The following SPPL2A variants were observed in gnomAD, a reference collection of about 807,000 sequenced individuals.
SPPL2A encodes signal peptide peptidase-like 2A.
SPPL2A carries 51 observed loss-of-function variants against 63.8 expected under a neutral mutation model. That is an observed-to-expected ratio of 0.80 (90% CI 0.64 to 1.01). SPPL2A has a LOEUF of 1.01. SPPL2A is among the 50% of genes least tolerant of loss of function. The pLI is 0.00. For missense variants in SPPL2A, 553 were observed against 622.7 expected, an observed-to-expected ratio of 0.89 and a Z score of 1.19; for synonymous variants, 188 against 205.8, an observed-to-expected ratio of 0.91 and a Z score of 0.74.
chr15:50,743,943 G>A (rs1196643428), intron 5 of SPPL2A, among the ~76,000 whole-genome samples: 1 of 152,054 alleles, frequency 6.6e-6, no homozygotes. Flanking sequence ...GGGAGGCTGA[G>A]GCAGGCAGAT....
chr15:50,741,866 T>G (rs796225709), intron 5 of SPPL2A, among the ~76,000 whole-genome samples: 14 of 151,944 alleles, frequency 9.2e-5, no homozygotes, highest in African/African-American at 3.1e-4. Context: ...CTTGAGAGGC[T>G]GAGGCAGCAG....
chr15:50,757,660 C>T (rs929954683), intron 1 of SPPL2A, among the ~76,000 whole-genome samples: 16 of 152,140 alleles, frequency 1.1e-4, no homozygotes, highest in African/African-American at 3.9e-4. Context: ...TTTTCTCTGA[C>T]TTTATGAGGT....
chr15:50,712,677 C>T (rs868029265), intron 14 of SPPL2A, among the ~76,000 whole-genome samples: 16 of 133,740 alleles, frequency 1.2e-4, no homozygotes, highest in East Asian at 2.2e-4. Context: ...CCCTCCCCCC[C>T]CCTTTTTTTT....
intron 12 of SPPL2A, among the ~76,000 whole-genome samples, chr15:50,722,722 T>C (rs2062658094): frequency 6.6e-6 from 1 of 152,240 alleles, no homozygotes; most frequent in African/African-American, 2.4e-5. Context: ...CCCAAAGTCC[T>C]GGGATTACAG....
Position 50,703,847 on chromosome 15 carries a change from T to C in SPPL2A, c.*3953A>G, listed in dbSNP as rs1024194533. On this transcript the variant is annotated 3_prime_UTR_variant, in exon 15 of 15. Transcript: ENST00000261854. ...CCCACAATTTTTAAAAATGTAAAAA[T>C]AGTAATTTTTGCTTATACTAAAGCA... 6 of 152,012 alleles carry C rather than the reference T, an allele frequency of 3.9e-5. No individual in the cohort carries two copies. Among genetic ancestry groups the C allele is most frequent in the African/African-American group, 1.4e-4 (6 of 41,384 alleles). 9.4% of individuals were successfully genotyped at this position (152,012 alleles called of 1,614,324 possible).
In SPPL2A at chr15:50,721,456, G is replaced by A. The variant is rs540454904; in HGVS notation, c.1327+668C>T. On this transcript the variant is annotated intron_variant, in intron 13 of 14. Transcript: ENST00000261854. The stretch of plus-strand genomic sequence containing the variant: ...TCCTTTCTTTTTTTTTTTGAGACAG[G>A]GACTCAATCTTTCGCCCAGGCTATA... Among the ~76,000 whole-genome samples the A allele has an allele frequency of 3.8e-3, 569 of 149,956 alleles. 3 individuals are homozygous for A. The highest frequency in any genetic ancestry group is 6.1e-3 in the Non-Finnish European group (415 of 67,560).
At chr15:50,725,451 G>GA in intron 11 of SPPL2A, 128 bp from the exon 12 acceptor site, 1 of 598,382 alleles carries the variant, frequency 1.7e-6, no homozygotes. Flanking sequence ...ACAGAGTCTC[G>GA]CTCTGTCGCC....
At chr15:50,753,040 G>A (rs2062923515) in intron 1 of SPPL2A, among the ~76,000 whole-genome samples, 2 of 152,088 alleles carry the variant, frequency 1.3e-5, no homozygotes, top group African/African-American at 2.4e-5. Context: ...GATATTAACT[G>A]TAATATTGTA....
chr15:50,749,937 C>A (rs2062893784), intron 1 of SPPL2A, 191 bp from the exon 2 acceptor site: 1 of 579,016 alleles, frequency 1.7e-6, no homozygotes, highest in African/African-American at 1.9e-5. Flanking sequence ...CACAATTGCC[C>A]AGCACACCTT....
intron 6 of SPPL2A, among the ~76,000 whole-genome samples, chr15:50,739,170 C>CTTTTTT (rs71127136): frequency 9.4e-6 from 1 of 106,946 alleles, no homozygotes; most frequent in Non-Finnish European, 1.9e-5. Context: ...ACATAACGTA[C>CTTTTTT]TTTTTTTTTT....
chr15:50,709,317 A>G (rs2062538583), intron 14 of SPPL2A, among the ~76,000 whole-genome samples: 5 of 152,238 alleles, frequency 3.3e-5, no homozygotes. Context: ...AGGAAAGATC[A>G]GCAAGATAAA....
At chr15:50,708,578 C>T (rs983939590) in intron 14 of SPPL2A, among the ~76,000 whole-genome samples, 73 of 151,142 alleles carry the variant, frequency 4.8e-4, no homozygotes, top group Non-Finnish European at 7.7e-4. Flanking sequence ...TAGTGGCGGG[C>T]GCCTGTAGTT....
At position 50,703,337 on chromosome 15, in the gene SPPL2A, T is replaced by C. The variant is rs1306088440; in HGVS notation, c.*4463A>G. The C allele has an allele frequency of 2.3e-5, 2 of 87,288 alleles. No individual in the cohort carries two copies. Among genetic ancestry groups the C allele is most frequent in the Admixed American group, 1.4e-4 (1 of 7,334 alleles). 5.4% of individuals were successfully genotyped at this position (87,288 alleles called of 1,614,324 possible). On this transcript the variant is annotated 3_prime_UTR_variant, in exon 15 of 15. Transcript: ENST00000261854. ...TAGTTCATATATACATATATATATATATATATATACATATATATATTTTTT... is the reference window on the plus strand; with the variant it reads ...TAGTTCATATATACATATATATATACATATATATACATATATATATTTTTT...
chr15:50,708,908 G>A (rs2062535361), intron 14 of SPPL2A, among the ~76,000 whole-genome samples: 2 of 151,766 alleles, frequency 1.3e-5, no homozygotes, highest in South Asian at 4.2e-4. Flanking sequence ...GTGGTGGCAA[G>A]CGCCTGTAGT....
chr15:50,764,472 A>ATAT (rs963844252), intron 1 of SPPL2A: 30 of 152,368 alleles, frequency 2.0e-4, no homozygotes, highest in African/African-American at 6.5e-4. Flanking sequence ...TTTTCAATAA[A>ATAT]TATTAAAGAC....
At chr15:50,742,649 T>C (rs2062831397) in intron 5 of SPPL2A, 1 of 152,122 alleles carries the variant, frequency 6.6e-6, no homozygotes, top group African/African-American at 2.4e-5. Context: ...ATATTCTCTT[T>C]CTCCATACGG....
At chr15:50,759,778 T>G (rs1231754742) in intron 1 of SPPL2A, among the ~76,000 whole-genome samples, 1 of 151,976 alleles carries the variant, frequency 6.6e-6, no homozygotes, top group East Asian at 1.9e-4. Flanking sequence ...AAATTATTAC[T>G]GCCTAATTTA....
chr15:50,759,262 G>T (rs777040454), intron 1 of SPPL2A, among the ~76,000 whole-genome samples: 5 of 151,866 alleles, frequency 3.3e-5, no homozygotes, highest in Non-Finnish European at 7.4e-5. Context: ...TATCCTATCA[G>T]TCTTATACCC....
At chr15:50,719,036 A>G (rs1316486676) in intron 14 of SPPL2A, among the ~76,000 whole-genome samples, 1 of 152,120 alleles carries the variant, frequency 6.6e-6, no homozygotes, top group Non-Finnish European at 1.5e-5. Flanking sequence ...CTTAATTTCA[A>G]TGCAAACAGA....
Sources: gnomAD v4.1 joint callset for allele counts (sites outside exome capture counted in the v4.1 genomes callset) on GRCh38, gnomAD v4.1.1 for gene constraint, MANE v1.5 for transcripts, NCBI Gene and HGNC (gene_info 2026-07-23, HGNC 2026-07-21) for gene names.